Variants in ZNF91 observed in about 807,000 individuals in gnomAD.
ZNF91 encodes the protein zinc finger protein 91 (HPF7, HTF10).
ZNF91 carries 7 observed loss-of-function variants against 12.6 expected under a neutral mutation model. That is an observed-to-expected ratio of 0.55 (90% CI 0.31 to 1.04). The LOEUF is 1.04. Ranked by LOEUF, ZNF91 falls within the 50% of genes least tolerant of loss-of-function variation. The pLI is 0.05. For missense variants in ZNF91, 1,217 were observed against 1,385.4 expected (o/e 0.88, Z 1.93); for synonymous variants, 453 against 462.6 (o/e 0.98, Z 0.27).
At chr19:23,320,294 G>T (rs1435040369) in intron 1 of ZNF91, among the ~76,000 whole-genome samples, 1 of 152,142 alleles carries the variant, frequency 6.6e-6, no homozygotes, top group Non-Finnish European at 1.5e-5. Flanking sequence ...AGACTGACAC[G>T]TACAATCATG....
In ZNF91 at chr19:23,362,511, A is replaced by G. The variant is rs1461181550; in HGVS notation, c.468T>C (p.Cys156=). 2.5e-6 allele frequency: 4 copies of G among 1,602,498 alleles called. No homozygotes were observed. The African/African-American group carries it at 5.4e-5, about 22-fold the overall frequency. ...LTTAQSKVFQ[C]GKYLKVFYKF... ...TATAGAAGACTTTCAAATATTTCCC[A>G]CATTGAAATACTTTGCTCTGGGCAG... Residue 156 remains cysteine, a synonymous_variant, in exon 4 of 4, where the codon TGT becomes TGC. Transcript: ENST00000300619.
intron 3 of ZNF91, among the ~76,000 whole-genome samples, chr19:23,365,081 T>C (rs1435638549): frequency 6.6e-6 from 1 of 151,900 alleles, no homozygotes; most frequent in Non-Finnish European, 1.5e-5. Flanking sequence ...AACATATTCA[T>C]TAAAAAATCT....
chr19:23,340,960 C>G (rs1968111719), intron 3 of ZNF91, among the ~76,000 whole-genome samples: 1 of 150,834 alleles, frequency 6.6e-6, no homozygotes, highest in Non-Finnish European at 1.5e-5. Context: ...GACAATTGAG[C>G]AAATAACATT....
At chr19:23,369,695 A>ATG (rs1599736600) in intron 3 of ZNF91, among the ~76,000 whole-genome samples, 1 of 152,060 alleles carries the variant, frequency 6.6e-6, no homozygotes, top group East Asian at 1.9e-4. Context: ...CTGTTGATCT[A>ATG]TGACCTTACC....
intron 1 of ZNF91, chr19:23,324,760 C>T (rs180959562): frequency 2.4e-4 from 37 of 152,110 alleles, no homozygotes; most frequent in African/African-American, 8.0e-4. Context: ...TTTTTAGTGA[C>T]GGGGTCTCAA....
downstream of ZNF91, among the ~76,000 whole-genome samples, chr19:23,336,796 G>A (rs760123439): frequency 6.6e-6 from 1 of 152,090 alleles, no homozygotes; most frequent in Non-Finnish European, 1.5e-5. Context: ...TGTTGAGATG[G>A]ATTCTCGCTG....
At chr19:23,382,649 T>A (rs1969758736) in intron 1 of ZNF91, among the ~76,000 whole-genome samples, 1 of 151,790 alleles carries the variant, frequency 6.6e-6, no homozygotes, top group Non-Finnish European at 1.5e-5. Context: ...AATTCAAAAA[T>A]CTCAAAATTA....
intron 1 of ZNF91, among the ~76,000 whole-genome samples, chr19:23,380,104 TA>T (rs1969648536): frequency 6.6e-6 from 1 of 150,898 alleles, no homozygotes; most frequent in South Asian, 2.1e-4. Flanking sequence ...AAAATAAAAA[TA>T]AAAAATTTGC....
At chr19:23,370,868 C>A (rs1016190337) in intron 3 of ZNF91, among the ~76,000 whole-genome samples, 2 of 151,768 alleles carry the variant, frequency 1.3e-5, no homozygotes, top group Non-Finnish European at 2.9e-5. Flanking sequence ...GTTTTTACAA[C>A]AATTATTTTA....
chr19:23,325,374 C>G (rs1019225551), intron 1 of ZNF91: 1 of 152,084 alleles, frequency 6.6e-6, no homozygotes. Flanking sequence ...TCTGCAGCAA[C>G]CTTTGTGGTC....
rs1969376580 is a variant in ZNF91, at chr19:23,373,493, CT to C, written c.253+248del. Among the ~76,000 whole-genome samples the C allele has an allele frequency of 2.0e-5, 3 of 151,692 alleles. No individual in the cohort carries two copies. In the South Asian group the frequency reaches 6.2e-4, roughly 32 times the overall value. On this transcript the variant is annotated intron_variant, in intron 3 of 3. Transcript: ENST00000300619. Reference sequence around the variant, plus strand: ...AAATGTAAAATTAGCAAAATGCACTCTTTTCTATGCCATGAACAGTACTCTG... The same window carrying C: ...AAATGTAAAATTAGCAAAATGCACTCTTTCTATGCCATGAACAGTACTCTG...
intron 3 of ZNF91, among the ~76,000 whole-genome samples, chr19:23,346,182 T>C (rs1411010974): frequency 6.6e-6 from 1 of 152,048 alleles, no homozygotes; most frequent in African/African-American, 2.4e-5. Context: ...CTACCTCTTA[T>C]ATTAGAGTTT....
intron 2 of ZNF91, chr19:23,307,696 C>T (rs1404603906): frequency 6.6e-6 from 1 of 152,114 alleles, no homozygotes; most frequent in Non-Finnish European, 1.5e-5. Flanking sequence ...CTGAGTTCTA[C>T]CCACAGGGGG....
At chr19:23,311,500 G>A (rs75619948), upstream of ZNF91, among the ~76,000 whole-genome samples, 1 of 152,284 alleles carries the variant, frequency 6.6e-6, no homozygotes, top group East Asian at 1.9e-4. Flanking sequence ...ACAGATTCTA[G>A]GTAACATGAC....
In ZNF91 at chr19:23,358,281, A is replaced by G. The variant is rs1968548986; in HGVS notation, c.*1122T>C. On this transcript the variant is annotated 3_prime_UTR_variant, in exon 4 of 4. Transcript: ENST00000300619. ...AATACAATAAATCATACTAAACTTTAACTAAAATTAAGAATGTTTTTCTTT... is the reference window on the plus strand; with the variant it reads ...AATACAATAAATCATACTAAACTTTGACTAAAATTAAGAATGTTTTTCTTT... 6.6e-6 allele frequency: 1 copy of G among 152,198 alleles called. No homozygotes were observed. The highest frequency in any genetic ancestry group is 2.1e-4 in the South Asian group (1 of 4,836). The allele number at this position is 152,198 out of a possible 1,614,324, so 9.4% of individuals were successfully genotyped here.
downstream of ZNF91, among the ~76,000 whole-genome samples, chr19:23,355,059 C>T (rs1293514278): frequency 6.6e-6 from 1 of 152,082 alleles, no homozygotes; most frequent in Non-Finnish European, 1.5e-5. Flanking sequence ...AAATTCAACA[C>T]AATCCCCATC....
rs1294428251 is a variant in ZNF91, at chr19:23,385,500, C to T, written c.30+9825G>A. Among the ~76,000 whole-genome samples the T allele has an allele frequency of 3.3e-5, 5 of 151,946 alleles. No homozygotes were observed. In the East Asian group the frequency reaches 5.8e-4, roughly 18 times the overall value. On this transcript the variant is annotated intron_variant, in intron 1 of 3. Transcript: ENST00000300619. ...AAAAAAAAATCCTGTCTTGGCAAAA[C>T]GAGGAAATCTGTCAGTCAGAATCCA...
At chr19:23,348,240 C>A (rs889450994) in intron 3 of ZNF91, among the ~76,000 whole-genome samples, 3 of 152,204 alleles carry the variant, frequency 2.0e-5, no homozygotes, top group Non-Finnish European at 2.9e-5. Flanking sequence ...CAAAGGCACA[C>A]TCTTTTTATA....
chr19:23,359,550 A>G lies in ZNF91; in HGVS notation c.3429T>C (p.Phe1143=), dbSNP rs779193270. Residue 1143 remains phenylalanine (F), a synonymous_variant, in exon 4 of 4, where the codon TTT becomes TTC. Coordinates refer to ENST00000300619, the MANE Select transcript of ZNF91 (RefSeq NM_003430.4). The part of the protein sequence containing the change: ...PYKCEKCGKA[F]NQSSILTNHK... ...GGTTAGTAAGGATTGAAGACTGGTTAAAGGCTTTGCCACATTTTTCACATT... is the reference window on the plus strand; with the variant it reads ...GGTTAGTAAGGATTGAAGACTGGTTGAAGGCTTTGCCACATTTTTCACATT... 8.7e-6 allele frequency: 14 copies of G among 1,614,058 alleles called. No individual in the cohort carries two copies. Among genetic ancestry groups the G allele is most frequent in the Non-Finnish European group, 1.1e-5 (13 of 1,179,940 alleles).
Sources: gnomAD v4.1 joint callset for allele counts (sites outside exome capture counted in the v4.1 genomes callset) on GRCh38, gnomAD v4.1.1 for gene constraint, MANE v1.5 for transcripts, NCBI Gene and HGNC (gene_info 2026-07-23, HGNC 2026-07-21) for gene names.